Variants in GRIN2A observed in about 807,000 individuals in gnomAD.
GRIN2A encodes the protein glutamate ionotropic receptor NMDA type subunit 2A, also known as glutamate receptor ionotropic, NMDA 2A.
GRIN2A carries 22 observed loss-of-function variants against 113.4 expected under a neutral mutation model. That is an observed-to-expected ratio of 0.19 (90% CI 0.14 to 0.28). GRIN2A has a LOEUF of 0.28. Among genes scored for constraint, GRIN2A ranks in the 10% least tolerant of loss-of-function variants. The probability of loss-of-function intolerance (pLI) is 1.00; values close to 1 mark genes in which losing one functional copy is unlikely to be tolerated. For missense variants in GRIN2A, 1,502 were observed against 1,887.0 expected, an observed-to-expected ratio of 0.80 and a Z score of 3.78; for synonymous variants, 827 against 738.4, an observed-to-expected ratio of 1.12 and a Z score of -1.94.
chr16:10,124,749 C>T (rs1170234553), intron 2 of GRIN2A, among the ~76,000 whole-genome samples: 1 of 152,206 alleles, frequency 6.6e-6, no homozygotes, highest in African/African-American at 2.4e-5. Context: ...AGGCCCCACT[C>T]TCAAGGAGCA....
chr16:9,763,790 G>T lies in GRIN2A; in HGVS notation c.3754C>A (p.Gln1252Lys). ...GGGTTACCTGTCTCCTGAAGCATCT[G>T]GTCTTCATCGATGTCATAGAGGTTC... is the stretch of plus-strand genomic sequence containing the variant. ...MGNLYDIDED[Q>K]MLQETGNPAT... is the part of the protein sequence containing the mutation. The change falls in exon 13 of 13, where the codon CAG becomes AAG. Residue 1252 changes from glutamine (Q) to lysine (K), a missense_variant. Gln to Lys is a moderately conservative substitution (Grantham distance 53, BLOSUM62 1). Transcript: ENST00000330684. 6.2e-7 allele frequency: 1 copy of T among 1,614,094 alleles called. No individual in the cohort carries two copies. The highest frequency in any genetic ancestry group is 8.5e-7 in the Non-Finnish European group (1 of 1,180,004).
chr16:10,041,796 T>C (rs2047171171), intron 2 of GRIN2A, among the ~76,000 whole-genome samples: 1 of 152,236 alleles, frequency 6.6e-6, no homozygotes, highest in Non-Finnish European at 1.5e-5. Flanking sequence ...CCTACTCCGC[T>C]GAGCTCAGTT....
At chr16:9,802,707 T>G (rs1013130260) in intron 10 of GRIN2A, among the ~76,000 whole-genome samples, 1 of 152,186 alleles carries the variant, frequency 6.6e-6, no homozygotes, top group Admixed American at 6.5e-5. Flanking sequence ...TAAAACCCTC[T>G]AGGACAACAC....
intron 10 of GRIN2A, among the ~76,000 whole-genome samples, chr16:9,801,181 C>A (rs1903339752): frequency 6.6e-6 from 1 of 152,188 alleles, no homozygotes; most frequent in Non-Finnish European, 1.5e-5. Flanking sequence ...CTGGATAACA[C>A]ATGTATCCTA....
chr16:9,938,598 T>A, intron 2 of GRIN2A, 47 bp from the exon 3 acceptor site: 1 of 1,409,078 alleles, frequency 7.1e-7, no homozygotes, highest in Non-Finnish European at 9.9e-7. Flanking sequence ...AGGAGGTGGT[T>A]TATATAGAAG....
rs367543144 is a variant in GRIN2A at position 9,841,071 on chromosome 16, T to C, written c.1362A>G (p.Lys454=). 1 of 1,613,862 alleles carries C rather than the reference T, an allele frequency of 6.2e-7. No homozygotes were observed. Residue 454 remains lysine, a synonymous_variant, in exon 6 of 13, where the codon AAA becomes AAG. Coordinates refer to ENST00000330684, the MANE Select transcript of GRIN2A (RefSeq NM_001134407.3). The part of the protein sequence containing the change: ...NSTNEGMNVK[K]CCKGFCIDIL... ...TATCAATGCAGAACCCCTTGCAGCA[T>C]TTCTTCACATTCATCCCCTCATTGG...
At chr16:10,003,848 C>A (rs1302173905) in intron 2 of GRIN2A, among the ~76,000 whole-genome samples, 1 of 152,204 alleles carries the variant, frequency 6.6e-6, no homozygotes, top group Non-Finnish European at 1.5e-5. Flanking sequence ...GTGGGTTCCA[C>A]AGACTTGTTG....
At chr16:10,051,085 A>C (rs2047350734) in intron 2 of GRIN2A, among the ~76,000 whole-genome samples, 1 of 152,202 alleles carries the variant, frequency 6.6e-6, no homozygotes, top group Non-Finnish European at 1.5e-5. Context: ...ATGTAAGTGC[A>C]GTCAGCTTAA....
At chr16:10,080,357 C>G (rs73510684) in intron 2 of GRIN2A, among the ~76,000 whole-genome samples, 1 of 152,168 alleles carries the variant, frequency 6.6e-6, no homozygotes, top group Non-Finnish European at 1.5e-5. Flanking sequence ...AGCAATGTGA[C>G]TCTGCCAGGC....
At chr16:9,848,660 C>T (rs1029842975) in intron 5 of GRIN2A, among the ~76,000 whole-genome samples, 1 of 142,996 alleles carries the variant, frequency 7.0e-6, no homozygotes, top group Admixed American at 7.0e-5. Context: ...ATATTTAATA[C>T]ATAAAATATA....
intron 2 of GRIN2A, among the ~76,000 whole-genome samples, chr16:10,063,184 G>T (rs2047582620): frequency 1.3e-5 from 2 of 152,094 alleles, no homozygotes; most frequent in South Asian, 2.1e-4. Context: ...GGGTATACAT[G>T]GATATAAAAA....
At chr16:10,157,158 G>A (rs2049715084) in intron 2 of GRIN2A, among the ~76,000 whole-genome samples, 1 of 152,218 alleles carries the variant, frequency 6.6e-6, no homozygotes, top group African/African-American at 2.4e-5. Context: ...CAAAGCTCAG[G>A]TGGAAGGTGA....
chr16:10,154,151 A>ACTCAC (rs2049640898), intron 2 of GRIN2A, among the ~76,000 whole-genome samples: 1 of 151,872 alleles, frequency 6.6e-6, no homozygotes, highest in South Asian at 2.1e-4. Context: ...CCAGCGTATG[A>ACTCAC]CTCACCACAT....
chr16:10,067,923 A>G (rs540714633), intron 2 of GRIN2A, among the ~76,000 whole-genome samples: 20 of 152,082 alleles, frequency 1.3e-4, no homozygotes, highest in Non-Finnish European at 2.5e-4. Context: ...AGCTAAAACA[A>G]CTCCAGGCTA....
At chr16:9,945,410 A>G (rs2044994471) in intron 2 of GRIN2A, among the ~76,000 whole-genome samples, 1 of 152,144 alleles carries the variant, frequency 6.6e-6, no homozygotes, top group African/African-American at 2.4e-5. Flanking sequence ...AGGGAACAGA[A>G]GGAAAGTCAG....
chr16:9,770,809 A>G (rs78831367), intron 11 of GRIN2A, among the ~76,000 whole-genome samples: 5,148 of 152,248 alleles, frequency 0.034, 191 homozygotes, highest in African/African-American at 0.093. Context: ...GTGGTTTTAT[A>G]GTTACAGAAA....
At chr16:9,946,502 T>TC (rs2045020905) in intron 2 of GRIN2A, among the ~76,000 whole-genome samples, 1 of 152,172 alleles carries the variant, frequency 6.6e-6, no homozygotes, top group Non-Finnish European at 1.5e-5. Context: ...CCCTTTTTTT[T>TC]CATGAAGCAT....
At chr16:9,811,067 T>G (rs1175441287) in intron 10 of GRIN2A, among the ~76,000 whole-genome samples, 1 of 152,152 alleles carries the variant, frequency 6.6e-6, no homozygotes, top group Non-Finnish European at 1.5e-5. Context: ...CACCATGACC[T>G]TTTTAGCACC....
At chr16:10,110,089 C>T (rs1486750625) in intron 2 of GRIN2A, among the ~76,000 whole-genome samples, 2 of 138,708 alleles carry the variant, frequency 1.4e-5, no homozygotes, top group African/African-American at 5.4e-5. Flanking sequence ...GTGTGATGTT[C>T]CCCTTCCTGT....
Sources: gnomAD v4.1 joint callset for allele counts (sites outside exome capture counted in the v4.1 genomes callset) on GRCh38, gnomAD v4.1.1 for gene constraint, MANE v1.5 for transcripts, NCBI Gene and HGNC (gene_info 2026-07-23, HGNC 2026-07-21) for gene names.